Variants in NRG1 observed in about 807,000 individuals in gnomAD.
NRG1 encodes the protein pro-neuregulin-1, membrane-bound isoform.
A neutral mutation model predicts 63.8 loss-of-function variants in NRG1; 18 were observed. That is an observed-to-expected ratio of 0.28 (90% confidence interval 0.19 to 0.42). NRG1 has a LOEUF of 0.42. NRG1 is among the 10% of genes least tolerant of loss of function. The pLI, the probability that NRG1 is intolerant of heterozygous loss-of-function variation, is 1.00. For missense variants in NRG1, 762 were observed against 814.7 expected, an observed-to-expected ratio of 0.94 and a Z score of 0.79; for synonymous variants, 302 against 301.3, an observed-to-expected ratio of 1.00 and a Z score of -0.02.
At chr8:31,818,172 A>G (rs961745676) in intron 1 of NRG1, among the ~76,000 whole-genome samples, 2 of 152,220 alleles carry the variant, frequency 1.3e-5, no homozygotes, top group Non-Finnish European at 2.9e-5. Flanking sequence ...CATGACATCA[A>G]GGAAGGTGAA....
chr8:32,413,903 T>G (rs566592334), intron 1 of NRG1, among the ~76,000 whole-genome samples: 1 of 151,848 alleles, frequency 6.6e-6, no homozygotes, highest in African/African-American at 2.4e-5. Flanking sequence ...TCCAGGACTC[T>G]GTTGGAAGAG....
intron 1 of NRG1, among the ~76,000 whole-genome samples, chr8:32,180,797 G>A (rs1841351050): frequency 1.3e-5 from 2 of 152,072 alleles, no homozygotes; most frequent in South Asian, 4.1e-4. Flanking sequence ...ATTTTTGACT[G>A]TGTGCTGCAT....
intron 1 of NRG1, among the ~76,000 whole-genome samples, chr8:31,696,384 G>A (rs533506854): frequency 6.6e-6 from 1 of 152,318 alleles, no homozygotes; most frequent in African/African-American, 2.4e-5. Flanking sequence ...TGTTTAGTAT[G>A]TGCCAAGGCA....
intron 5 of NRG1, among the ~76,000 whole-genome samples, chr8:32,691,031 C>A (rs1589228410): frequency 6.7e-6 from 1 of 150,262 alleles, no homozygotes; most frequent in African/African-American, 2.4e-5. Flanking sequence ...CTATAAATTT[C>A]ATTTTCACTC....
intron 1 of NRG1, among the ~76,000 whole-genome samples, chr8:32,206,842 G>A (rs1481749): frequency 0.13 from 19,447 of 152,086 alleles, 1,286 homozygotes; most frequent in East Asian, 0.25. Flanking sequence ...CTGTGTCCAC[G>A]TGTACACGTT....
chr8:32,641,118 G>GGA (rs1324238221), intron 5 of NRG1, among the ~76,000 whole-genome samples: 1 of 150,754 alleles, frequency 6.6e-6, no homozygotes, highest in Non-Finnish European at 1.5e-5. Context: ...CTCCAGCCTG[G>GGA]GAGAGAGAGT....
intron 1 of NRG1, among the ~76,000 whole-genome samples, chr8:32,231,916 T>C (rs1453299205): frequency 6.6e-6 from 1 of 151,214 alleles, no homozygotes; most frequent in Non-Finnish European, 1.5e-5. Context: ...AAAAATTAAA[T>C]TAAAGTTATT....
In NRG1 at chr8:32,509,207, A is replaced by C. The variant is rs375008464; in HGVS notation, c.38-86621A>C. Among the ~76,000 whole-genome samples, 233 of 152,012 alleles carry C rather than the reference A, an allele frequency of 1.5e-3. 1 individual carries two copies. The highest frequency in any genetic ancestry group is 5.1e-3 in the African/African-American group (213 of 41,448). Reference sequence around the variant, plus strand: ...AGCCTCAAGCTCCTGTGCTCAGGTGATCAGCCTCCTAGGTAGCTGGGACTA... The same window carrying C: ...AGCCTCAAGCTCCTGTGCTCAGGTGCTCAGCCTCCTAGGTAGCTGGGACTA... On this transcript the variant is annotated intron_variant, in intron 1 of 10. Coordinates refer to the NRG1 transcript ENST00000519301.
chr8:31,838,022 T>C lies in NRG1; in HGVS notation c.37+198591T>C, dbSNP rs114282848. On this transcript the variant is annotated intron_variant, in intron 1 of 10. Coordinates refer to the NRG1 transcript ENST00000519301. ...GTAATGGGATTGCTGGTTCATATAT[T>C]TTTAACATTTTGAGGAGCTTCCATA... Among the ~76,000 whole-genome samples, 1,383 of 152,236 alleles carry C rather than the reference T, an allele frequency of 9.1e-3. 21 individuals are homozygous for C. Among genetic ancestry groups the C allele is most frequent in the African/African-American group, 0.032 (1,310 of 41,566 alleles).
chr8:32,674,456 A>G (rs906317451), intron 5 of NRG1, among the ~76,000 whole-genome samples: 100 of 152,134 alleles, frequency 6.6e-4, no homozygotes, highest in African/African-American at 4.1e-4. Context: ...AGTGAGAGCA[A>G]TGATTGTAAA....
chr8:32,772,759 A>G (rs1050316759), downstream of NRG1, among the ~76,000 whole-genome samples: 6 of 152,094 alleles, frequency 3.9e-5, no homozygotes, highest in African/African-American at 1.4e-4. Context: ...GTGGCTCCTC[A>G]GATAACACAG....
intron 1 of NRG1, among the ~76,000 whole-genome samples, chr8:31,695,738 T>C (rs1705553590): frequency 6.6e-6 from 1 of 152,248 alleles, no homozygotes; most frequent in African/African-American, 2.4e-5. Flanking sequence ...GTTCAACTAT[T>C]TTATCTTCCT....
intron 8 of NRG1, among the ~76,000 whole-genome samples, chr8:32,755,464 T>G (rs183321610): frequency 5.9e-5 from 9 of 152,312 alleles, no homozygotes; most frequent in African/African-American, 2.2e-4. Flanking sequence ...TTTAGTGTGT[T>G]GCCAGAATTA....
At chr8:32,168,023 A>C (rs1839585507) in intron 1 of NRG1, among the ~76,000 whole-genome samples, 1 of 152,118 alleles carries the variant, frequency 6.6e-6, no homozygotes, top group Non-Finnish European at 1.5e-5. Flanking sequence ...AATTTCATTT[A>C]GGGGAAAAAA....
intron 5 of NRG1, among the ~76,000 whole-genome samples, chr8:32,640,318 A>G (rs1852120061): frequency 6.7e-6 from 1 of 149,554 alleles, no homozygotes; most frequent in Admixed American, 6.7e-5. Flanking sequence ...ATTTGCATTT[A>G]CTCACACTGG....
intron 5 of NRG1, among the ~76,000 whole-genome samples, chr8:32,671,174 T>G (rs1207220382): frequency 6.6e-6 from 1 of 151,988 alleles, no homozygotes; most frequent in East Asian, 1.9e-4. Context: ...CCTTGAATGA[T>G]TCTAGGTTAG....
intron 5 of NRG1, among the ~76,000 whole-genome samples, chr8:32,635,162 G>C (rs915256518): frequency 1.3e-5 from 2 of 152,136 alleles, no homozygotes; most frequent in Non-Finnish European, 2.9e-5. Context: ...TACTTTAGAA[G>C]AAAAGGAAAA....
intron 1 of NRG1, among the ~76,000 whole-genome samples, chr8:32,312,791 TTCCTTCCTTCCTTCCTTCCA>T (rs796725268): frequency 8.7e-5 from 8 of 92,094 alleles, no homozygotes; most frequent in African/African-American, 2.4e-4. Flanking sequence ...CTTCCCTTCC[TTCCTTCCTTCCTTCCTTCCA>T]TCCTTCCTGT....
intron 1 of NRG1, among the ~76,000 whole-genome samples, chr8:32,005,006 C>T (rs1392989070): frequency 7.0e-6 from 1 of 143,282 alleles, no homozygotes; most frequent in East Asian, 2.1e-4. Flanking sequence ...TTGGTATGAC[C>T]AATGAAAGGA....
Sources: gnomAD v4.1 joint callset for allele counts (sites outside exome capture counted in the v4.1 genomes callset) on GRCh38, gnomAD v4.1.1 for gene constraint, MANE v1.5 for transcripts, NCBI Gene and HGNC (gene_info 2026-07-23, HGNC 2026-07-21) for gene names.